SAPCD2: variants seen among roughly 807,000 people sequenced by gnomAD.
The protein encoded by SAPCD2 is suppressor APC domain containing 2, also known as suppressor APC domain-containing protein 2.
Under a neutral mutation model 37.8 loss-of-function variants are expected in SAPCD2, and 34 were observed. That is an observed-to-expected ratio of 0.90 (90% confidence interval 0.68 to 1.20). The LOEUF (loss-of-function observed/expected upper bound fraction) is 1.20. Among genes scored for constraint, SAPCD2 ranks in the 50% most tolerant of loss-of-function variants. SAPCD2 has a pLI of 0.00. For missense variants in SAPCD2, 572 were observed against 584.7 expected (o/e 0.98, Z 0.22); for synonymous variants, 275 against 270.3 (o/e 1.02, Z -0.17).
rs1832485659 is a variant in SAPCD2 at position 137,063,213 on chromosome 9, C to G, written c.*1446G>C. The G allele has an allele frequency of 6.6e-6, 1 of 152,322 alleles. No homozygotes were observed. The highest frequency in any genetic ancestry group is 1.5e-5 in the Non-Finnish European group (1 of 68,092). The allele number at this position is 152,322 out of a possible 1,614,324, so 9.4% of individuals were successfully genotyped here. On this transcript the variant is annotated 3_prime_UTR_variant, in exon 6 of 6. Transcript: ENST00000409687. ...CCTTATGTCCCCTGGAAAGCCCACT[C>G]CCATCTTCAGGGTAGGAGGGCAGCT...
Position 137,064,596 on chromosome 9 carries a change from G to T in SAPCD2, c.*63C>A, listed in dbSNP as rs1832514326. 2 of 1,537,836 alleles carry T rather than the reference G, an allele frequency of 1.3e-6. No individual in the cohort carries two copies. Among genetic ancestry groups the T allele is most frequent in the African/African-American group, 1.4e-5 (1 of 73,038 alleles). ...CAGCCAGAGAGGGTGGGTGCGATGG[G>T]GCGCCCACCCTCGAAGGGCTGAGTG... On this transcript the variant is annotated 3_prime_UTR_variant, in exon 6 of 6. Transcript: ENST00000409687.
At position 137,070,327 on chromosome 9, in the gene SAPCD2, C is replaced by T; in HGVS notation, c.134G>A (p.Gly45Asp). 6.8e-7 allele frequency: 1 copy of T among 1,474,972 alleles called. No individual in the cohort carries two copies. The highest frequency in any genetic ancestry group is 9.0e-7 in the Non-Finnish European group (1 of 1,115,606). The allele number at this position is 1,474,972 out of a possible 1,614,324, so 91.4% of individuals were successfully genotyped here. A position where few individuals can be genotyped will look rare whatever the true frequency, so the allele number is the denominator to read the frequency against. Residue 45 changes from glycine (G) to aspartate (D), a missense_variant, in exon 1 of 6, where the codon GGC becomes GAC. Coordinates refer to ENST00000409687, the MANE Select transcript of SAPCD2 (RefSeq NM_178448.4). Reference protein sequence around the residue: ...LFDILDDRRRGCVHLREIESR... With the variant: ...LFDILDDRRRDCVHLREIESR... Reference sequence around the variant, plus strand: ...CTCGATCTCGCGCAGGTGCACGCAGCCGCGCCGCCGGTCGTCCAGGATGTC... The same window carrying T: ...CTCGATCTCGCGCAGGTGCACGCAGTCGCGCCGCCGGTCGTCCAGGATGTC...
chr9:137,067,136 C>T (rs1832557335), intron 1 of SAPCD2, among the ~76,000 whole-genome samples: 1 of 152,032 alleles, frequency 6.6e-6, no homozygotes, highest in South Asian at 2.1e-4. Flanking sequence ...TACAGACACC[C>T]ACTACCATGC....
Position 137,062,959 on chromosome 9 carries a change from C to T in SAPCD2, c.*1700G>A, listed in dbSNP as rs1832481979. 1 of 152,262 alleles carries T rather than the reference C, an allele frequency of 6.6e-6. No homozygotes were observed. The highest frequency in any genetic ancestry group is 2.4e-5 in the African/African-American group (1 of 41,462). The allele number at this position is 152,262 out of a possible 1,614,324, so 9.4% of individuals were successfully genotyped here. Reference sequence around the variant, plus strand: ...CCCCGGGACAGACACTGTTCTGTCTCCTGCTTCCAGTCCAGTAAAGATGCC... The same window carrying T: ...CCCCGGGACAGACACTGTTCTGTCTTCTGCTTCCAGTCCAGTAAAGATGCC... On this transcript the variant is annotated 3_prime_UTR_variant, in exon 6 of 6. Transcript: ENST00000409687.
In SAPCD2 at chr9:137,065,625, A is replaced by C. The variant is rs1255980338; in HGVS notation, c.728T>G (p.Leu243Arg). 3 of 1,609,940 alleles carry C rather than the reference A, an allele frequency of 1.9e-6. No homozygotes were observed. Among genetic ancestry groups the C allele is most frequent in the Non-Finnish European group, 2.5e-6 (3 of 1,177,270 alleles). Residue 243 changes from leucine to arginine, a missense_variant, in exon 3 of 6, where the codon CTG becomes CGG. Leu to Arg is a moderately radical substitution (Grantham distance 102). Transcript: ENST00000409687. ...KELEQEKEVL[L>R]QGLEMMARGR... The stretch of plus-strand genomic sequence containing the variant: ...CCGCGCCATCATCTCCAAACCCTGC[A>C]GCAGCACCTCCTTCTCCTGCTCCAG...
rs1253558453 is a variant in SAPCD2, at chr9:137,069,948, G to C, written c.513C>G (p.Pro171=). The C allele has an allele frequency of 7.9e-7, 1 of 1,260,772 alleles. No homozygotes were observed. The highest frequency in any genetic ancestry group is 1.0e-6 in the Non-Finnish European group (1 of 1,004,142). 78.1% of individuals were successfully genotyped at this position (1,260,772 alleles called of 1,614,324 possible). ...CGCTCTGGGACCGCTCGGGCTCCGC[G>C]GGGCAGGGCGCCGCCTCAGCCGGGG... The part of the protein sequence containing the change: ...LCAPAEAAPC[P]AEPERSQSAA... Residue 171 remains proline (P), a synonymous_variant, in exon 1 of 6, where the codon CCC becomes CCG. Coordinates refer to ENST00000409687, the MANE Select transcript of SAPCD2 (RefSeq NM_178448.4).
intron 2 of SAPCD2, 106 bp from the exon 3 acceptor site, chr9:137,065,774 T>TG (rs1832536995): frequency 2.9e-6 from 4 of 1,368,876 alleles, no homozygotes; most frequent in Non-Finnish European, 3.0e-6. Flanking sequence ...CAGACACAAA[T>TG]GCAGCAGCAC....
At chr9:137,064,822 G>T (rs1340180650) in intron 5 of SAPCD2, 35 bp from the exon 6 acceptor site, 13 of 1,583,668 alleles carry the variant, frequency 8.2e-6, no homozygotes, top group Non-Finnish European at 8.6e-6. Context: ...GGCCTGCGGG[G>T]CCTCACCCCC....
chr9:137,069,054 G>A (rs1832589119), intron 1 of SAPCD2, among the ~76,000 whole-genome samples: 1 of 152,260 alleles, frequency 6.6e-6, no homozygotes, highest in Non-Finnish European at 1.5e-5. Flanking sequence ...GGAGCCACCG[G>A]TGGGCAGGCC....
intron 1 of SAPCD2, among the ~76,000 whole-genome samples, chr9:137,067,744 C>T (rs981026798): frequency 2.2e-5 from 3 of 136,886 alleles, no homozygotes; most frequent in East Asian, 2.3e-4. Context: ...CACTGCACTC[C>T]AGCCTGGGCG....
In SAPCD2 at chr9:137,070,341, G is replaced by A. The variant is rs1212385694; in HGVS notation, c.120C>T (p.Asp40=). The A allele has an allele frequency of 3.4e-6, 5 of 1,471,708 alleles. No homozygotes were observed. Among genetic ancestry groups the A allele is most frequent in the Non-Finnish European group, 4.5e-6 (5 of 1,113,706 alleles). The allele number at this position is 1,471,708 out of a possible 1,614,324, so 91.2% of individuals were successfully genotyped here. A position where few individuals can be genotyped will look rare whatever the true frequency, so the allele number is the denominator to read the frequency against. The part of the protein sequence containing the change: ...QSLRTLFDIL[D]DRRRGCVHLR... ...GGTGCACGCAGCCGCGCCGCCGGTC[G>A]TCCAGGATGTCGAACAGGGTGCGCA... The change falls in exon 1 of 6, where the codon GAC becomes GAT. Residue 40 remains aspartate (D), a synonymous_variant. Transcript: ENST00000409687.
At chr9:137,066,894 C>T (rs1001828812) in intron 1 of SAPCD2, among the ~76,000 whole-genome samples, 9 of 152,190 alleles carry the variant, frequency 5.9e-5, no homozygotes, top group Non-Finnish European at 1.3e-4. Flanking sequence ...CAGTGGCTCA[C>T]GCCTGTAATC....
chr9:137,068,303 G>A (rs148167049), intron 1 of SAPCD2, among the ~76,000 whole-genome samples: 165 of 152,332 alleles, frequency 1.1e-3, no homozygotes, highest in African/African-American at 3.8e-3. Flanking sequence ...ACCTGGGCCC[G>A]GTCTGTACAG....
chr9:137,066,153 C>T (rs1471871260), intron 2 of SAPCD2, 109 bp downstream of exon 2: 7 of 854,302 alleles, frequency 8.2e-6, no homozygotes, highest in South Asian at 1.5e-5. Context: ...CCAGAGCTGA[C>T]TGTACTTCCG....
In SAPCD2 at chr9:137,070,172, T is replaced by C; in HGVS notation, c.289A>G (p.Ser97Gly). ...GGGTCCCGGGGGCCGCCGTCGGCGC[T>C]CAGCAGGGAGGTGCGCAGGCCGGCC... is the stretch of plus-strand genomic sequence containing the variant. ...FVAGLRTSLLSADGGPRDPTR... is the reference protein window; with the variant it reads ...FVAGLRTSLLGADGGPRDPTR... Residue 97 changes from serine (S) to glycine (G), a missense_variant, in exon 1 of 6, where the codon AGC (serine) becomes GGC (glycine). By Grantham distance (56) the Ser-to-Gly change is moderately conservative. Coordinates refer to ENST00000409687, the MANE Select transcript of SAPCD2 (RefSeq NM_178448.4). The C allele has an allele frequency of 3.2e-6, 4 of 1,252,864 alleles. No homozygotes were observed. Among genetic ancestry groups the C allele is most frequent in the Non-Finnish European group, 4.0e-6 (4 of 997,828 alleles). 77.6% of individuals were successfully genotyped at this position (1,252,864 alleles called of 1,614,324 possible).
At position 137,069,947 on chromosome 9, in the gene SAPCD2, C is replaced by CG; in HGVS notation, c.513dup (p.Ala172ArgfsTer188). 7.9e-7 allele frequency: 1 copy of CG among 1,260,452 alleles called. No individual in the cohort carries two copies. Among genetic ancestry groups the CG allele is most frequent in the South Asian group, 2.9e-5 (1 of 34,554 alleles). The allele number at this position is 1,260,452 out of a possible 1,614,324, so 78.1% of individuals were successfully genotyped here. A position where few individuals can be genotyped will look rare whatever the true frequency, so the allele number is the denominator to read the frequency against. On this transcript the variant is annotated frameshift_variant, in exon 1 of 6. Coordinates refer to ENST00000409687, the MANE Select transcript of SAPCD2 (RefSeq NM_178448.4). LOFTEE classifies it high-confidence loss of function. ...GCGCTCTGGGACCGCTCGGGCTCCGCGGGGCAGGGCGCCGCCTCAGCCGGG... is the reference window on the plus strand; with the variant it reads ...GCGCTCTGGGACCGCTCGGGCTCCGCGGGGGCAGGGCGCCGCCTCAGCCGGG...
chr9:137,065,581 G>A lies in SAPCD2; in HGVS notation c.772C>T (p.Gln258Ter). The A allele has an allele frequency of 1.2e-6, 2 of 1,610,494 alleles. No individual in the cohort carries two copies. The highest frequency in any genetic ancestry group is 1.7e-4 in the Middle Eastern group (1 of 5,988). ...CGCTCCTGCACTCGTTGCAGCTGCTGCTGGTACCAGTCGCGGCCCCGCGCC... is the reference window on the plus strand; with the variant it reads ...CGCTCCTGCACTCGTTGCAGCTGCTACTGGTACCAGTCGCGGCCCCGCGCC... ...MMARGRDWYQ[Q>*]QLQRVQERQR... The change falls in exon 3 of 6, where the codon CAG (glutamine) becomes TAG (stop). Residue 258 changes from glutamine to a stop codon, truncating the protein, a stop_gained. Coordinates refer to ENST00000409687, the MANE Select transcript of SAPCD2 (RefSeq NM_178448.4). LOFTEE classifies it high-confidence loss of function.
chr9:137,067,298 C>A (rs1259355331), intron 1 of SAPCD2, among the ~76,000 whole-genome samples: 1 of 151,676 alleles, frequency 6.6e-6, no homozygotes, highest in East Asian at 2.0e-4. Flanking sequence ...CGGCAATACC[C>A]CATTTCTATT....
At position 137,065,638 on chromosome 9, in the gene SAPCD2, T is replaced by TCTCCTG. The variant is rs1403540814; in HGVS notation, c.709_714dup (p.Gln237_Glu238dup). On this transcript the variant is annotated inframe_insertion, in exon 3 of 6. Transcript: ENST00000409687. ...TCCAAACCCTGCAGCAGCACCTCCT[T>TCTCCTG]CTCCTGCTCCAGCTCCTTCATCTGC... is the stretch of plus-strand genomic sequence containing the variant. 1 of 1,607,936 alleles carries TCTCCTG rather than the reference T, an allele frequency of 6.2e-7. No homozygotes were observed. The highest frequency in any genetic ancestry group is 8.5e-7 in the Non-Finnish European group (1 of 1,175,960).
Sources: allele counts gnomAD v4.1 joint callset (sites outside exome capture counted in the v4.1 genomes callset), GRCh38; gene constraint gnomAD v4.1.1; transcripts MANE v1.5; gene names NCBI Gene and HGNC (gene_info 2026-07-23, HGNC 2026-07-21).